CSMD3: variants seen among roughly 807,000 people sequenced by gnomAD.
CSMD3 encodes the protein CUB and sushi domain-containing protein 3.
Under a neutral mutation model 435.2 loss-of-function variants are expected in CSMD3, and 177 were observed. That is an observed-to-expected ratio of 0.41 (90% CI 0.36 to 0.46). The LOEUF (loss-of-function observed/expected upper bound fraction) is 0.46, where lower values mean the gene tolerates loss of function less well. Among genes scored for constraint, CSMD3 ranks in the 20% least tolerant of loss-of-function variants. The pLI, the probability that CSMD3 is intolerant of heterozygous loss-of-function variation, is 0.34. For synonymous variants in CSMD3, 1,656 were observed against 1,520.5 expected (o/e 1.09, Z -2.07); for missense variants, 4,265 against 4,504.6 (o/e 0.95, Z 1.52).
intron 61 of CSMD3, among the ~76,000 whole-genome samples, chr8:112,258,815 G>A (rs1326490341): frequency 2.0e-5 from 3 of 152,112 alleles, no homozygotes; most frequent in South Asian, 2.1e-4. Flanking sequence ...CAAGGCGGGC[G>A]GATCACAACG....
At chr8:112,451,529 AC>A (rs1304198113) in intron 32 of CSMD3, among the ~76,000 whole-genome samples, 1 of 152,080 alleles carries the variant, frequency 6.6e-6, no homozygotes, top group African/African-American at 2.4e-5. Context: ...AATTATAAGT[AC>A]AAATAATCTT....
rs901463883 is a variant in CSMD3 at position 112,586,743 on chromosome 8, T to G, written c.3885+323A>C. On this transcript the variant is annotated intron_variant, in intron 23 of 70. Coordinates refer to ENST00000297405, the MANE Select transcript of CSMD3 (RefSeq NM_198123.2). The stretch of plus-strand genomic sequence containing the variant: ...ATTACATGACGGTCATTTGATGATG[T>G]TTTATATATAATAATTTATTAGACA... 1.3e-5 allele frequency among the ~76,000 whole-genome samples: 2 copies of G among 151,410 alleles called. 1 individual carries two copies. Among genetic ancestry groups the G allele is most frequent in the Admixed American group, 1.3e-4 (2 of 15,180 alleles).
intron 70 of CSMD3, among the ~76,000 whole-genome samples, chr8:112,228,503 G>C (rs1812783139): frequency 6.6e-6 from 1 of 152,158 alleles, no homozygotes; most frequent in Admixed American, 6.5e-5. Context: ...GTCCATGCCA[G>C]GAAATTGACA....
At chr8:112,353,546 A>G (rs1408421823) in intron 38 of CSMD3, among the ~76,000 whole-genome samples, 1 of 152,184 alleles carries the variant, frequency 6.6e-6, no homozygotes, top group Non-Finnish European at 1.5e-5. Context: ...TTTTATCTAG[A>G]GCAAAGGAAA....
chr8:113,386,800 T>C (rs1032692186), intron 1 of CSMD3, among the ~76,000 whole-genome samples: 1 of 151,844 alleles, frequency 6.6e-6, no homozygotes, highest in Admixed American at 6.6e-5. Context: ...AACAATCAAT[T>C]TGGATTAAGC....
At chr8:112,941,159 G>C (rs1008032827) in intron 9 of CSMD3, among the ~76,000 whole-genome samples, 22 of 151,864 alleles carry the variant, frequency 1.4e-4, no homozygotes, top group African/African-American at 4.3e-4. Context: ...GAATATGTAA[G>C]ATAACACAGG....
At chr8:113,068,931 C>T (rs2088979575) in intron 5 of CSMD3, among the ~76,000 whole-genome samples, 1 of 151,698 alleles carries the variant, frequency 6.6e-6, no homozygotes, top group Non-Finnish European at 1.5e-5. Context: ...CAAATCTTAA[C>T]AGCTATGATG....
intron 49 of CSMD3, among the ~76,000 whole-genome samples, chr8:112,311,427 T>C (rs1821967989): frequency 6.6e-6 from 1 of 152,230 alleles, no homozygotes; most frequent in Non-Finnish European, 1.5e-5. Context: ...TGAAATGTAT[T>C]TTCTTAACAC....
chr8:112,718,482 C>G (rs548320828), intron 13 of CSMD3, among the ~76,000 whole-genome samples: 1 of 149,720 alleles, frequency 6.7e-6, no homozygotes, highest in African/African-American at 2.5e-5. Flanking sequence ...ATGAACAATT[C>G]CTGTTCTAAT....
At chr8:112,829,032 G>A (rs1019055752) in intron 12 of CSMD3, among the ~76,000 whole-genome samples, 2 of 146,422 alleles carry the variant, frequency 1.4e-5, no homozygotes, top group African/African-American at 2.5e-5. Flanking sequence ...AGAGGGAGAA[G>A]AGAATGAAAA....
intron 13 of CSMD3, among the ~76,000 whole-genome samples, chr8:112,779,182 CGTGT>C (rs3047099): frequency 6.7e-6 from 1 of 149,150 alleles, no homozygotes; most frequent in African/African-American, 2.5e-5. Flanking sequence ...TGTGTGTTTG[CGTGT>C]GTGTGTGTGT....
At chr8:112,913,803 T>C (rs1397000331) in intron 10 of CSMD3, among the ~76,000 whole-genome samples, 1 of 151,978 alleles carries the variant, frequency 6.6e-6, no homozygotes, top group East Asian at 1.9e-4. Flanking sequence ...TGTCTTTCTT[T>C]CTGTCCTTTT....
At chr8:112,638,947 A>T in intron 20 of CSMD3, 36 bp from the exon 21 acceptor site, 1 of 1,392,200 alleles carries the variant, frequency 7.2e-7, no homozygotes, top group Non-Finnish European at 1.0e-6. Context: ...ATTTACAGGT[A>T]GATCAGTAAA....
intron 3 of CSMD3, among the ~76,000 whole-genome samples, chr8:113,217,628 T>C (rs2092920269): frequency 6.6e-6 from 1 of 151,444 alleles, no homozygotes; most frequent in Non-Finnish European, 1.5e-5. Context: ...TATAAGTGAA[T>C]CTGAAAACAA....
intron 5 of CSMD3, among the ~76,000 whole-genome samples, chr8:113,081,730 C>T (rs2089572448): frequency 6.6e-6 from 1 of 152,252 alleles, no homozygotes; most frequent in Non-Finnish European, 1.5e-5. Flanking sequence ...GATTTCTCCC[C>T]AAACCAATCC....
intron 22 of CSMD3, among the ~76,000 whole-genome samples, chr8:112,615,252 G>A (rs1382988211): frequency 2.0e-5 from 3 of 152,052 alleles, no homozygotes; most frequent in Non-Finnish European, 4.4e-5. Context: ...TGAACTGTCC[G>A]AATGCATAGT....
chr8:113,341,132 CGT>C (rs2094115927), intron 1 of CSMD3, among the ~76,000 whole-genome samples: 1 of 151,840 alleles, frequency 6.6e-6, no homozygotes, highest in African/African-American at 2.4e-5. Flanking sequence ...AAAACTTATA[CGT>C]GTATATATAT....
chr8:113,185,252 C>T (rs890845848), intron 3 of CSMD3, among the ~76,000 whole-genome samples: 7 of 151,794 alleles, frequency 4.6e-5, no homozygotes, highest in African/African-American at 7.3e-5. Context: ...ATTCTTGTTT[C>T]GATCACTTGT....
In CSMD3 at chr8:113,196,441, C is replaced by A. The variant is rs370795790; in HGVS notation, c.515-22525G>T. Among the ~76,000 whole-genome samples, 22 of 151,176 alleles carry A rather than the reference C, an allele frequency of 1.5e-4. No homozygotes were observed. The South Asian group carries it at 4.4e-3, about 30-fold the overall frequency. ...AGATACTGTTATATAGACAAATGGA[C>A]ACAAAGCTTTAAAGACATTTTGGGG... On this transcript the variant is annotated intron_variant, in intron 3 of 70. Transcript: ENST00000297405.
Sources: allele counts gnomAD v4.1 joint callset (sites outside exome capture counted in the v4.1 genomes callset), GRCh38; gene constraint gnomAD v4.1.1; transcripts MANE v1.5; gene names NCBI Gene and HGNC (gene_info 2026-07-23, HGNC 2026-07-21).